The following LMO7 variants were observed in gnomAD, a reference collection of about 807,000 sequenced individuals.
LMO7 encodes LIM domain 7.
Under a neutral mutation model 206.5 loss-of-function variants are expected in LMO7, and 120 were observed. The ratio of observed to expected loss-of-function variants is 0.58; its 90% CI spans 0.50 to 0.68. The LOEUF is 0.68. Ranked by LOEUF, LMO7 falls within the 30% of genes least tolerant of loss-of-function variation. The pLI is 0.00. For synonymous variants in LMO7, 706 were observed against 681.5 expected (o/e 1.04, Z -0.56); for missense variants, 1,959 against 1,957.9 (o/e 1.00, Z -0.01).
chr13:75,664,413 T>A (rs1160440280), intron 1 of LMO7, among the ~76,000 whole-genome samples: 11 of 152,212 alleles, frequency 7.2e-5, no homozygotes, highest in Admixed American at 6.5e-4. Flanking sequence ...CAATTTTTTT[T>A]ATCTGTTCAT....
In LMO7 at chr13:75,670,770, C is replaced by A. The variant is rs145373542; in HGVS notation, c.69+34044C>A. On this transcript the variant is annotated intron_variant, in intron 1 of 30. Transcript: ENST00000377534. ...AGAGTTTATAAACACTGTATACTTA[C>A]ACTATACTAAATTTATAAAAAATGA... Among the ~76,000 whole-genome samples, 912 of 152,186 alleles carry A rather than the reference C, an allele frequency of 6.0e-3. 12 individuals are homozygous for A. The highest frequency in any genetic ancestry group is 0.021 in the African/African-American group (863 of 41,522).
At chr13:75,816,277 G>A (rs558522848) in intron 11 of LMO7, among the ~76,000 whole-genome samples, 14 of 152,360 alleles carry the variant, frequency 9.2e-5, no homozygotes, top group African/African-American at 1.9e-4. Flanking sequence ...AGTCAGGAGA[G>A]CAGTATAAAA....
At chr13:75,758,493 C>T (rs563395424) in intron 3 of LMO7, among the ~76,000 whole-genome samples, 13 of 152,280 alleles carry the variant, frequency 8.5e-5, no homozygotes, top group Admixed American at 7.2e-4. Flanking sequence ...CTGTGTTAAA[C>T]TTGAGCATCG....
intron 2 of LMO7, chr13:75,627,859 G>C (rs1593857694): frequency 6.6e-6 from 1 of 151,680 alleles, no homozygotes; most frequent in Admixed American, 6.6e-5. Context: ...TTATAATGTG[G>C]TTTTGCAATT....
At chr13:75,673,740 A>G (rs548560997) in intron 1 of LMO7, among the ~76,000 whole-genome samples, 1 of 152,234 alleles carries the variant, frequency 6.6e-6, no homozygotes, top group Non-Finnish European at 1.5e-5. Flanking sequence ...ACTGTAATTT[A>G]AAAAGTATTT....
At chr13:75,762,454 A>G (rs1024977682) in intron 4 of LMO7, among the ~76,000 whole-genome samples, 5 of 152,160 alleles carry the variant, frequency 3.3e-5, no homozygotes, top group African/African-American at 1.2e-4. Context: ...GTTAAGCGTT[A>G]ACGTGCTTCC....
chr13:75,805,439 T>A, intron 8 of LMO7, 40 bp from the exon 9 acceptor site: 2 of 1,585,768 alleles, frequency 1.3e-6, no homozygotes, highest in Non-Finnish European at 1.7e-6. Flanking sequence ...GTGTCACAAA[T>A]GCTCATACAG....
chr13:75,696,102 A>G (rs2041880895), intron 1 of LMO7, among the ~76,000 whole-genome samples: 1 of 152,194 alleles, frequency 6.6e-6, no homozygotes, highest in South Asian at 2.1e-4. Flanking sequence ...CATGCCTGTA[A>G]TCCCAGCACT....
intron 3 of LMO7, among the ~76,000 whole-genome samples, chr13:75,736,454 A>G (rs1387061299): frequency 6.6e-6 from 1 of 152,236 alleles, no homozygotes; most frequent in African/African-American, 2.4e-5. Flanking sequence ...TGAGGACTAA[A>G]AGGATAATAT....
intron 13 of LMO7, 145 bp downstream of exon 13, chr13:75,819,680 G>A (rs1595278358): frequency 1.2e-6 from 1 of 818,174 alleles, no homozygotes; most frequent in East Asian, 3.0e-5. Context: ...TAAGATTTTG[G>A]TCTGCGGTGA....
intron 6 of LMO7, 27 bp from the exon 7 acceptor site, chr13:75,800,654 TTAC>T: frequency 6.3e-7 from 1 of 1,594,072 alleles, no homozygotes; most frequent in Non-Finnish European, 8.6e-7. Context: ...TTTATTTAAC[TTAC>T]TATTCTTTAA....
intron 4 of LMO7, among the ~76,000 whole-genome samples, chr13:75,776,892 T>C (rs1259207241): frequency 1.3e-5 from 2 of 152,246 alleles, no homozygotes; most frequent in African/African-American, 4.8e-5. Context: ...TTGAGAAATG[T>C]GCACTTTTAA....
intron 4 of LMO7, 67 bp downstream of exon 4, chr13:75,761,105 A>G (rs1274775941): frequency 4.9e-6 from 5 of 1,017,736 alleles, no homozygotes; most frequent in Non-Finnish European, 7.1e-6. Flanking sequence ...GCTTAAGTGA[A>G]AAGAATTGCT....
chr13:75,636,793 A>G (rs1379233654), intron 1 of LMO7, 67 bp downstream of exon 1: 4 of 1,452,568 alleles, frequency 2.8e-6, no homozygotes, highest in Non-Finnish European at 2.8e-6. Flanking sequence ...TCGCGAGGTG[A>G]CTGCAGCCCC....
At chr13:75,629,434 T>A (rs1183358229) in intron 2 of LMO7, among the ~76,000 whole-genome samples, 1 of 152,154 alleles carries the variant, frequency 6.6e-6, no homozygotes, top group African/African-American at 2.4e-5. Context: ...AAGATATGCC[T>A]CACCTCGCTC....
intron 15 of LMO7, among the ~76,000 whole-genome samples, chr13:75,826,061 G>C (rs1595344477): frequency 6.6e-6 from 1 of 151,172 alleles, no homozygotes; most frequent in East Asian, 1.9e-4. Context: ...GATTTTTTTA[G>C]ATAGGGTCTT....
intron 2 of LMO7, among the ~76,000 whole-genome samples, chr13:75,725,922 A>G (rs1051754463): frequency 1.3e-5 from 2 of 151,904 alleles, no homozygotes; most frequent in Admixed American, 6.6e-5. Flanking sequence ...TTTTATTTCC[A>G]GCAAACTCAA....
At chr13:75,635,028 C>CAAAACAAAAA (rs1555284011), upstream of LMO7, among the ~76,000 whole-genome samples, 280 of 135,784 alleles carry the variant, frequency 2.1e-3, 2 homozygotes, top group African/African-American at 6.6e-3. Flanking sequence ...CAAAACAAAA[C>CAAAACAAAAA]AAAACAAAAC....
chr13:75,806,131 A>C, intron 9 of LMO7: 1 of 1,027,218 alleles, frequency 9.7e-7, no homozygotes, highest in African/African-American at 1.7e-5. Flanking sequence ...TAGAGCACAA[A>C]AAGCAGAGCA....
Sources: allele counts gnomAD v4.1 joint callset (sites outside exome capture counted in the v4.1 genomes callset), GRCh38; gene constraint gnomAD v4.1.1; transcripts MANE v1.5; gene names NCBI Gene and HGNC (gene_info 2026-07-23, HGNC 2026-07-21).